The following CRTC1 variants were observed in gnomAD, a reference collection of about 807,000 sequenced individuals.
CRTC1 encodes CREB regulated transcription coactivator 1.
Under a neutral mutation model 66.1 loss-of-function variants are expected in CRTC1, and 18 were observed. The observed-to-expected ratio is 0.27, with a 90% confidence interval of 0.19 to 0.40. The LOEUF (loss-of-function observed/expected upper bound fraction) is 0.40. Ranked by LOEUF, CRTC1 falls within the 10% of genes least tolerant of loss-of-function variation. The pLI is 1.00. For missense variants in CRTC1, 669 were observed against 887.9 expected (o/e 0.75, Z 3.13); for synonymous variants, 416 against 398.8 (o/e 1.04, Z -0.51).
At chr19:18,744,027 CG>C in intron 2 of CRTC1, 11 of 1,502,810 alleles carry the variant, frequency 7.3e-6, no homozygotes, top group South Asian at 2.3e-5. Flanking sequence ...GCCCACAGCC[CG>C]GGGGGAGGTC....
intron 1 of CRTC1, among the ~76,000 whole-genome samples, chr19:18,712,412 C>T (rs1005552708): frequency 1.3e-5 from 2 of 151,958 alleles, no homozygotes; most frequent in Non-Finnish European, 2.9e-5. Context: ...CGCCCACCAC[C>T]ACACCCAGCT....
At chr19:18,740,901 A>T (rs533353147) in intron 1 of CRTC1, among the ~76,000 whole-genome samples, 1 of 152,230 alleles carries the variant, frequency 6.6e-6, no homozygotes, top group Admixed American at 6.5e-5. Context: ...GCTAGTTCGG[A>T]GGCTGAGGCA....
chr19:18,709,440 C>T (rs939342017), intron 1 of CRTC1, among the ~76,000 whole-genome samples: 2 of 152,178 alleles, frequency 1.3e-5, no homozygotes, highest in Non-Finnish European at 2.9e-5. Context: ...GGAGCCAGGA[C>T]AGCTTCAGAG....
intron 1 of CRTC1, among the ~76,000 whole-genome samples, chr19:18,731,404 C>T (rs1249574416): frequency 6.6e-6 from 1 of 152,186 alleles, no homozygotes; most frequent in South Asian, 2.1e-4. Context: ...CCACTTTCCT[C>T]AGTGTCTCTG....
In CRTC1 at chr19:18,781,652, G is replaced by A. The variant is rs557482121; in HGVS notation, c.*4270G>A. The stretch of plus-strand genomic sequence containing the variant: ...TGGGTGGGGCAGGAGTGAGTGCCTC[G>A]TGATCCCAGCCTCAGTTTCTCTCTT... On this transcript the variant is annotated 3_prime_UTR_variant, in exon 14 of 14. Coordinates refer to ENST00000321949, the MANE Select transcript of CRTC1 (RefSeq NM_015321.3). 3.5e-5 allele frequency: 8 copies of A among 230,610 alleles called. No individual in the cohort carries two copies. Among genetic ancestry groups the A allele is most frequent in the African/African-American group, 1.3e-4 (6 of 45,254 alleles). The allele number at this position is 230,610 out of a possible 1,614,324, so 14.3% of individuals were successfully genotyped here.
intron 1 of CRTC1, among the ~76,000 whole-genome samples, chr19:18,719,923 G>A (rs1175225524): frequency 1.3e-5 from 2 of 152,256 alleles, no homozygotes; most frequent in Non-Finnish European, 1.5e-5. Flanking sequence ...TGTGGGCAGC[G>A]TCGGCGTCGG....
In CRTC1 at chr19:18,781,224, G is replaced by A. The variant is rs917326382; in HGVS notation, c.*3842G>A. On this transcript the variant is annotated 3_prime_UTR_variant, in exon 14 of 14. Coordinates refer to ENST00000321949, the MANE Select transcript of CRTC1 (RefSeq NM_015321.3). ...CACATGTGGTGCCCTGGGCCAGGGC[G>A]TGCGGGCGCCAGAGCCTTCCCTACA... 8 of 226,916 alleles carry A rather than the reference G, an allele frequency of 3.5e-5. No individual in the cohort carries two copies. The highest frequency in any genetic ancestry group is 1.3e-3 in the Middle Eastern group (1 of 778). 14.1% of individuals were successfully genotyped at this position (226,916 alleles called of 1,614,324 possible). A position where few individuals can be genotyped will look rare whatever the true frequency, so the allele number is the denominator to read the frequency against.
chr19:18,710,312 C>G (rs1162597834), intron 1 of CRTC1, among the ~76,000 whole-genome samples: 1 of 152,240 alleles, frequency 6.6e-6, no homozygotes, highest in Admixed American at 6.5e-5. Context: ...GTGGCTTCCC[C>G]TGCTGTGGAC....
rs1062693 is a variant in CRTC1, at chr19:18,760,113, G to T, written c.771G>T (p.Pro257=). Reference sequence around the variant, plus strand: ...TGACCAACATCCACTTCCCCTCCCCGCTCCCGACCCCGCTGGACCCCGAGG... The same window carrying T: ...TGACCAACATCCACTTCCCCTCCCCTCTCCCGACCCCGCTGGACCCCGAGG... ...PDLTNIHFPS[P]LPTPLDPEEP... Residue 257 remains proline, a synonymous_variant, in exon 8 of 14, where the codon CCG becomes CCT. Coordinates refer to ENST00000321949, the MANE Select transcript of CRTC1 (RefSeq NM_015321.3). This position sits in a 1 kb window ranked among gnomAD's most constrained non-coding sequence, Gnocchi z 6.2. 8 of 1,613,532 alleles carry T rather than the reference G, an allele frequency of 5.0e-6. No individual in the cohort carries two copies. In the Admixed American group the frequency reaches 1.3e-4, roughly 27 times the overall value.
At chr19:18,728,438 C>G (rs2145664066) in intron 1 of CRTC1, among the ~76,000 whole-genome samples, 1 of 152,286 alleles carries the variant, frequency 6.6e-6, no homozygotes, top group African/African-American at 2.4e-5. Context: ...ATTCCTGACA[C>G]CAAGTCACTT....
intron 1 of CRTC1, among the ~76,000 whole-genome samples, chr19:18,732,178 C>T (rs1420607140): frequency 6.6e-6 from 1 of 152,174 alleles, no homozygotes; most frequent in Non-Finnish European, 1.5e-5. Context: ...AATTCTGTCT[C>T]CCACAAACTC....
intron 1 of CRTC1, among the ~76,000 whole-genome samples, chr19:18,737,111 G>A (rs6511001): frequency 0.23 from 35,631 of 151,984 alleles, 4,551 homozygotes; most frequent in African/African-American, 0.33. Context: ...GGCGGGGCAG[G>A]GGCGTAGACT....
chr19:18,754,049 C>T (rs1272566203), intron 6 of CRTC1, among the ~76,000 whole-genome samples: 2 of 148,410 alleles, frequency 1.3e-5, no homozygotes, highest in Non-Finnish European at 3.0e-5. Flanking sequence ...TGCACTGAGC[C>T]GAGATTGTGC....
chr19:18,776,839 G>A (rs2054999933), intron 13 of CRTC1, among the ~76,000 whole-genome samples: 1 of 152,198 alleles, frequency 6.6e-6, no homozygotes, highest in Admixed American at 6.5e-5. Flanking sequence ...AGCCCTCATG[G>A]CTGAGGGAGC....
rs1044636105 is a variant in CRTC1, at chr19:18,774,782, A to G, written c.1426-118A>G. 3.3e-5 allele frequency: 29 copies of G among 889,194 alleles called. No individual in the cohort carries two copies. In the African/African-American group the frequency reaches 4.8e-4, roughly 15 times the overall value. The allele number at this position is 889,194 out of a possible 1,614,324, so 55.1% of individuals were successfully genotyped here. On this transcript the variant is annotated intron_variant, in intron 11 of 13. Coordinates refer to ENST00000321949, the MANE Select transcript of CRTC1 (RefSeq NM_015321.3). ...GAACCCCAAAATAAGCATCATCATCAGCCTCCTGCCGTCTGGGAGGTTCCA... is the reference window on the plus strand; with the variant it reads ...GAACCCCAAAATAAGCATCATCATCGGCCTCCTGCCGTCTGGGAGGTTCCA...
intron 1 of CRTC1, among the ~76,000 whole-genome samples, chr19:18,686,078 C>G (rs1490007572): frequency 6.6e-6 from 1 of 151,978 alleles, no homozygotes; most frequent in African/African-American, 2.4e-5. Flanking sequence ...AACCCCGTCC[C>G]CATTAACAGT....
At chr19:18,770,903 T>G (rs941519664) in intron 10 of CRTC1, among the ~76,000 whole-genome samples, 1 of 151,396 alleles carries the variant, frequency 6.6e-6, no homozygotes, top group Non-Finnish European at 1.5e-5. Context: ...TGTGCATTTG[T>G]GGGTATGTAC....
At position 18,683,684 on chromosome 19, in the gene CRTC1, AGGAGGT is replaced by A; in HGVS notation, c.-16_-11del. The A allele has an allele frequency of 7.3e-7, 1 of 1,372,232 alleles. No homozygotes were observed. The highest frequency in any genetic ancestry group is 9.6e-7 in the Non-Finnish European group (1 of 1,036,300). The allele number at this position is 1,372,232 out of a possible 1,614,324, so 85.0% of individuals were successfully genotyped here. The stretch of plus-strand genomic sequence containing the variant: ...GAGGTGGAGGAGGAGGAGGAGGAGG[AGGAGGT>A]GGCGGCGAGAAGATGGCGACTTCGA... On this transcript the variant is annotated 5_prime_UTR_variant, in exon 1 of 14. Transcript: ENST00000321949.
intron 8 of CRTC1, among the ~76,000 whole-genome samples, chr19:18,762,328 CAT>C (rs2054632559): frequency 6.6e-6 from 1 of 152,224 alleles, no homozygotes; most frequent in African/African-American, 2.4e-5. Context: ...TAATGCCTGA[CAT>C]GTGTTGGGTT....
Sources: gnomAD v4.1 joint callset for allele counts (sites outside exome capture counted in the v4.1 genomes callset) on GRCh38, gnomAD v4.1.1 for gene constraint, Gnocchi (gnomAD v3.1) non-coding constraint, MANE v1.5 for transcripts, NCBI Gene and HGNC (gene_info 2026-07-23, HGNC 2026-07-21) for gene names.